Variants in SHC3 observed in about 807,000 individuals in gnomAD.
The protein encoded by SHC3 is SHC-transforming protein 3.
SHC3 carries 15 observed loss-of-function variants against 60.4 expected under a neutral mutation model. The ratio of observed to expected loss-of-function variants is 0.25; its 90% CI spans 0.17 to 0.38. The LOEUF (loss-of-function observed/expected upper bound fraction) is 0.38. Ranked by LOEUF, SHC3 falls within the 10% of genes least tolerant of loss-of-function variation. SHC3 has a pLI of 1.00. For synonymous variants in SHC3, 294 were observed against 325.9 expected, an observed-to-expected ratio of 0.90 and a Z score of 1.05; for missense variants, 677 against 786.1, an observed-to-expected ratio of 0.86 and a Z score of 1.66.
At chr9:89,022,937 C>T (rs1383846731) in intron 11 of SHC3, among the ~76,000 whole-genome samples, 1 of 152,202 alleles carries the variant, frequency 6.6e-6, no homozygotes, top group Non-Finnish European at 1.5e-5. Flanking sequence ...TTTGCACCTC[C>T]CTTGCTGTGT....
intron 1 of SHC3, among the ~76,000 whole-genome samples, chr9:89,164,148 C>A (rs888901870): frequency 1.3e-5 from 2 of 152,152 alleles, no homozygotes; most frequent in Non-Finnish European, 2.9e-5. Context: ...GTAAGCCCAC[C>A]TAGATTATGG....
intron 11 of SHC3, among the ~76,000 whole-genome samples, chr9:89,026,897 T>C (rs531422508): frequency 1.3e-5 from 2 of 152,350 alleles, no homozygotes; most frequent in African/African-American, 4.8e-5. Context: ...AGGAGACTCC[T>C]GGTCTTCCCT....
rs1385602204 is a variant in SHC3 at position 89,006,632 on chromosome 9, A to G, written c.*6815T>C. 2 of 152,244 alleles carry G rather than the reference A, an allele frequency of 1.3e-5. No homozygotes were observed. The highest frequency in any genetic ancestry group is 4.8e-5 in the African/African-American group (2 of 41,464). The allele number at this position is 152,244 out of a possible 1,614,324, so 9.4% of individuals were successfully genotyped here. ...TCCAAATGCTTTTTAAAAAGTTATT[A>G]TCTTATTATTACACATTAAATTTAC... On this transcript the variant is annotated 3_prime_UTR_variant, in exon 12 of 12. Transcript: ENST00000375835.
chr9:89,136,194 G>T (rs915636659), intron 1 of SHC3, among the ~76,000 whole-genome samples: 3 of 152,086 alleles, frequency 2.0e-5, no homozygotes, highest in African/African-American at 2.4e-5. Context: ...CAACCCTTAG[G>T]ATTAAGGGTT....
In SHC3 at chr9:89,007,606, G is replaced by C. The variant is rs1349365919; in HGVS notation, c.*5841C>G. The stretch of plus-strand genomic sequence containing the variant: ...GGAATACACGAAAGCATGACATCAC[G>C]AGCACAGCCTCCTCCACCACACCTT... On this transcript the variant is annotated 3_prime_UTR_variant, in exon 12 of 12. Transcript: ENST00000375835. 1 of 152,282 alleles carries C rather than the reference G, an allele frequency of 6.6e-6. No individual in the cohort carries two copies. Among genetic ancestry groups the C allele is most frequent in the Non-Finnish European group, 1.5e-5 (1 of 68,122 alleles). 9.4% of individuals were successfully genotyped at this position (152,282 alleles called of 1,614,324 possible). A position where few individuals can be genotyped will look rare whatever the true frequency, so the allele number is the denominator to read the frequency against.
intron 9 of SHC3, among the ~76,000 whole-genome samples, chr9:89,044,177 T>C (rs1469460581): frequency 6.6e-6 from 1 of 152,252 alleles, no homozygotes; most frequent in Non-Finnish European, 1.5e-5. Context: ...AGTTATTATA[T>C]GTCTATGCAC....
At chr9:89,158,411 G>A (rs1216174803) in intron 1 of SHC3, among the ~76,000 whole-genome samples, 1 of 151,952 alleles carries the variant, frequency 6.6e-6, no homozygotes, top group South Asian at 2.1e-4. Flanking sequence ...TTTTAAATTT[G>A]GTTAGATTTG....
chr9:89,005,857 C>T lies in SHC3; in HGVS notation c.*7590G>A, dbSNP rs755094998. On this transcript the variant is annotated 3_prime_UTR_variant, in exon 12 of 12. Transcript: ENST00000375835. ...CTGTTTAGAAAATGGTTGTTTCTCT[C>T]AACCCTTGAGCCAGTTATTCCACGC... 5.3e-5 allele frequency: 8 copies of T among 152,200 alleles called. No individual in the cohort carries two copies. Among genetic ancestry groups the T allele is most frequent in the Non-Finnish European group, 1.0e-4 (7 of 68,044 alleles). 9.4% of individuals were successfully genotyped at this position (152,200 alleles called of 1,614,324 possible).
rs188787368 is a variant in SHC3, at chr9:89,112,464, G to A, written c.545+92C>T. ...ACCAGCCACTAACCCTCCAAGGGCCGGTCTTTTCTTCTAAAAATGTGTCAG... is the reference window on the plus strand; with the variant it reads ...ACCAGCCACTAACCCTCCAAGGGCCAGTCTTTTCTTCTAAAAATGTGTCAG... On this transcript the variant is annotated intron_variant, in intron 2 of 11. Coordinates refer to ENST00000375835, the MANE Select transcript of SHC3 (RefSeq NM_016848.6). 341 of 1,387,816 alleles carry A rather than the reference G, an allele frequency of 2.5e-4. No individual in the cohort carries two copies. The Admixed American group carries it at 4.0e-3, about 16-fold the overall frequency. The allele number at this position is 1,387,816 out of a possible 1,614,324, so 86.0% of individuals were successfully genotyped here. A position where few individuals can be genotyped will look rare whatever the true frequency, so the allele number is the denominator to read the frequency against.
chr9:89,084,996 T>G (rs1224636419), intron 2 of SHC3, among the ~76,000 whole-genome samples: 4 of 152,244 alleles, frequency 2.6e-5, no homozygotes, highest in Non-Finnish European at 5.9e-5. Flanking sequence ...TAGGAATTAC[T>G]TATCTTTTGG....
At chr9:89,112,755 G>T (rs1825968621) in intron 1 of SHC3, 129 bp from the exon 2 acceptor site, 1 of 700,226 alleles carries the variant, frequency 1.4e-6, no homozygotes, top group African/African-American at 1.9e-5. Context: ...AAATTCTAGG[G>T]TGAGGCTTTG....
chr9:89,076,129 C>G lies in SHC3; in HGVS notation c.610-901G>C, dbSNP rs141159092. ...CGGGCATCGTTTCCACCAAGAGAAC[C>G]ATGAGGATGCCCCAGGATGAGCTGG... On this transcript the variant is annotated intron_variant, in intron 3 of 11. Transcript: ENST00000375835. Among the ~76,000 whole-genome samples the G allele has an allele frequency of 3.9e-5, 6 of 152,242 alleles. No individual in the cohort carries two copies. The East Asian group carries it at 1.2e-3, about 29-fold the overall frequency.
At chr9:89,104,376 G>A (rs1263786875) in intron 2 of SHC3, among the ~76,000 whole-genome samples, 1 of 152,198 alleles carries the variant, frequency 6.6e-6, no homozygotes, top group Non-Finnish European at 1.5e-5. Context: ...AAAACTCTGT[G>A]GGGTCGGCTC....
intron 1 of SHC3, among the ~76,000 whole-genome samples, chr9:89,165,556 GA>G (rs1826776018): frequency 6.8e-6 from 1 of 147,364 alleles, no homozygotes; most frequent in Non-Finnish European, 1.5e-5. Flanking sequence ...GTGAGGGCAT[GA>G]ATCAGAATAA....
intron 6 of SHC3, among the ~76,000 whole-genome samples, chr9:89,056,670 C>G (rs993219175): frequency 6.6e-6 from 1 of 152,272 alleles, no homozygotes; most frequent in Non-Finnish European, 1.5e-5. Context: ...CATCCCAGCA[C>G]ATGGGCTGGC....
intron 1 of SHC3, 44 bp downstream of exon 1, chr9:89,177,942 GC>G (rs1289140661): frequency 8.4e-7 from 1 of 1,186,270 alleles, no homozygotes; most frequent in Non-Finnish European, 1.0e-6. Context: ...CCCCGAACTG[GC>G]CCCAGAACCC....
chr9:89,093,791 C>T (rs1198400601), intron 2 of SHC3, among the ~76,000 whole-genome samples: 1 of 152,100 alleles, frequency 6.6e-6, no homozygotes, highest in Non-Finnish European at 1.5e-5. Flanking sequence ...CATAAAACTC[C>T]AATGAACAAC....
intron 1 of SHC3, among the ~76,000 whole-genome samples, chr9:89,122,541 G>T (rs535302118): frequency 6.6e-6 from 1 of 152,278 alleles, no homozygotes; most frequent in African/African-American, 2.4e-5. Context: ...TATGGCTTAG[G>T]GATTCAATTA....
rs185728210 is a variant in SHC3 at position 89,131,758 on chromosome 9, T to G, written c.475-19132A>C. Among the ~76,000 whole-genome samples, 371 of 152,228 alleles carry G rather than the reference T, an allele frequency of 2.4e-3. 3 individuals are homozygous for G. Among genetic ancestry groups the G allele is most frequent in the African/African-American group, 8.6e-3 (357 of 41,512 alleles). On this transcript the variant is annotated intron_variant, in intron 1 of 11. Transcript: ENST00000375835. ...AAACTAGGTATTGATGGGACATACC[T>G]CAAAATAATAAGAGCTATTTATGAC...
Sources: allele counts gnomAD v4.1 joint callset (sites outside exome capture counted in the v4.1 genomes callset), GRCh38; gene constraint gnomAD v4.1.1; transcripts MANE v1.5; gene names NCBI Gene and HGNC (gene_info 2026-07-23, HGNC 2026-07-21).